TRAPPC9: variants seen among roughly 807,000 people sequenced by gnomAD.
TRAPPC9 encodes trafficking protein particle complex subunit 9.
Under a neutral mutation model 124.0 loss-of-function variants are expected in TRAPPC9, and 83 were observed. The observed-to-expected ratio is 0.67, with a 90% confidence interval of 0.56 to 0.80. The LOEUF is 0.80. Among genes scored for constraint, TRAPPC9 ranks in the 30% least tolerant of loss-of-function variants. The pLI is 0.00. For missense variants in TRAPPC9, 1,302 were observed against 1,508.3 expected, an observed-to-expected ratio of 0.86 and a Z score of 2.27; for synonymous variants, 638 against 617.5, an observed-to-expected ratio of 1.03 and a Z score of -0.49.
intron 7 of TRAPPC9, among the ~76,000 whole-genome samples, chr8:140,391,992 C>T (rs1396810223): frequency 2.6e-5 from 4 of 151,330 alleles, no homozygotes; most frequent in African/African-American, 9.8e-5. Context: ...CGCCACTGCA[C>T]TCCAACCTGG....
rs536604753 is a variant in TRAPPC9 at position 139,825,635 on chromosome 8, G to A, written c.3055+60244C>T. On this transcript the variant is annotated intron_variant, in intron 21 of 22. Coordinates refer to ENST00000438773, the MANE Select transcript of TRAPPC9 (RefSeq NM_001160372.4). This position sits in a 1 kb window ranked among gnomAD's most constrained non-coding sequence, Gnocchi z 4.6. ...TCTGAGAAAAAAGTCACTTCCACCC[G>A]GGGGAAATTTCATGGCTCTGGTTTG... 2.6e-4 allele frequency among the ~76,000 whole-genome samples: 39 copies of A among 152,268 alleles called. No individual in the cohort carries two copies. The highest frequency in any genetic ancestry group is 4.3e-4 in the Non-Finnish European group (29 of 68,018).
chr8:139,918,638 A>T (rs1180543299), intron 19 of TRAPPC9, among the ~76,000 whole-genome samples: 2 of 152,230 alleles, frequency 1.3e-5, no homozygotes, highest in East Asian at 3.9e-4. Context: ...GAAGTGCCCG[A>T]CATCGGGAGC....
At chr8:140,331,258 G>A (rs1301537011) in intron 9 of TRAPPC9, among the ~76,000 whole-genome samples, 2 of 152,078 alleles carry the variant, frequency 1.3e-5, no homozygotes, top group South Asian at 4.1e-4. Context: ...TGGGAAAACT[G>A]GATATAAGTA....
chr8:140,385,593 T>A (rs1360545068), intron 7 of TRAPPC9, among the ~76,000 whole-genome samples: 8 of 152,168 alleles, frequency 5.3e-5, no homozygotes, highest in Non-Finnish European at 1.0e-4. Context: ...CCTGGACACA[T>A]ACACCCTCCC....
chr8:140,125,933 C>T (rs889108019), intron 17 of TRAPPC9, among the ~76,000 whole-genome samples: 4 of 152,020 alleles, frequency 2.6e-5, no homozygotes, highest in African/African-American at 9.7e-5. Context: ...GAGGGTTTCT[C>T]TCTCTTGGTT....
chr8:140,210,944 G>A (rs993856451), intron 17 of TRAPPC9, among the ~76,000 whole-genome samples: 3 of 152,116 alleles, frequency 2.0e-5, no homozygotes, highest in Admixed American at 6.5e-5. Flanking sequence ...CGAAGGGCTC[G>A]TGGAAACCAT....
intron 11 of TRAPPC9, among the ~76,000 whole-genome samples, chr8:140,299,866 T>C (rs1002122789): frequency 6.6e-6 from 1 of 152,186 alleles, no homozygotes; most frequent in Non-Finnish European, 1.5e-5. Flanking sequence ...CTGACTATCC[T>C]GATCACCTGT....
chr8:139,936,236 C>T (rs995988143), intron 19 of TRAPPC9, among the ~76,000 whole-genome samples: 5 of 152,244 alleles, frequency 3.3e-5, no homozygotes, highest in Admixed American at 2.6e-4. Flanking sequence ...AGCTCTTAGT[C>T]CTGCTGAAGG....
At chr8:139,944,270 T>C (rs939301317) in intron 19 of TRAPPC9, among the ~76,000 whole-genome samples, 9 of 152,226 alleles carry the variant, frequency 5.9e-5, no homozygotes, top group Admixed American at 3.3e-4. Flanking sequence ...GAAATGAAAC[T>C]TGGCTATTTA....
At chr8:139,933,999 G>A (rs970190945) in intron 19 of TRAPPC9, 1 of 152,120 alleles carries the variant, frequency 6.6e-6, no homozygotes, top group African/African-American at 2.4e-5. Flanking sequence ...CTACATGATC[G>A]TAATACCATC....
At chr8:139,762,342 C>A (rs570841912) in intron 21 of TRAPPC9, among the ~76,000 whole-genome samples, 4 of 152,192 alleles carry the variant, frequency 2.6e-5, no homozygotes, top group South Asian at 4.1e-4. Flanking sequence ...CTCTTAAATA[C>A]AGTCACGCAC....
chr8:140,401,401 CAACAA>C (rs1442659735), intron 6 of TRAPPC9, among the ~76,000 whole-genome samples: 1 of 152,058 alleles, frequency 6.6e-6, no homozygotes, highest in Admixed American at 6.6e-5. Flanking sequence ...GCTTAAATAC[CAACAA>C]TGAAGTCAGA....
At chr8:140,403,549 T>C (rs1373018450) in intron 6 of TRAPPC9, among the ~76,000 whole-genome samples, 1 of 152,192 alleles carries the variant, frequency 6.6e-6, no homozygotes. Context: ...CTCAGCTGTA[T>C]TGGCAAATAT....
At chr8:140,415,412 G>A (rs974889924) in intron 5 of TRAPPC9, among the ~76,000 whole-genome samples, 4 of 151,474 alleles carry the variant, frequency 2.6e-5, no homozygotes, top group Non-Finnish European at 4.4e-5. Flanking sequence ...AAAATTAGCC[G>A]GGCGTGGTGG....
intron 17 of TRAPPC9, among the ~76,000 whole-genome samples, chr8:140,184,100 T>A (rs926411186): frequency 1.3e-5 from 2 of 151,254 alleles, no homozygotes; most frequent in Non-Finnish European, 2.9e-5. Flanking sequence ...GGGCTGAGAG[T>A]GGGGGCAGGG....
At chr8:139,900,254 C>T (rs147239313) in intron 20 of TRAPPC9, among the ~76,000 whole-genome samples, 4 of 152,332 alleles carry the variant, frequency 2.6e-5, no homozygotes, top group Non-Finnish European at 5.9e-5. Context: ...GCTGTCTTTG[C>T]TCTGCTTCCC....
At position 140,071,473 on chromosome 8, in the gene TRAPPC9, G is replaced by A. The variant is rs187695069; in HGVS notation, c.2557-47394C>T. ...AGAGTGAGGAAACACGGGCTCAAGC[G>A]TGCAGTCTCCCCCTTAGAAAGCAGC... On this transcript the variant is annotated intron_variant, in intron 17 of 22. Coordinates refer to ENST00000438773, the MANE Select transcript of TRAPPC9 (RefSeq NM_001160372.4). Among the ~76,000 whole-genome samples, 65 of 152,318 alleles carry A rather than the reference G, an allele frequency of 4.3e-4. 1 individual carries two copies. The highest frequency in any genetic ancestry group is 1.5e-3 in the African/African-American group (64 of 41,560).
intron 21 of TRAPPC9, among the ~76,000 whole-genome samples, chr8:139,822,630 G>T (rs1825328915): frequency 6.6e-6 from 1 of 152,144 alleles, no homozygotes; most frequent in South Asian, 2.1e-4. Flanking sequence ...ATGGCGGGGG[G>T]GGGCTGCCTT....
chr8:140,256,616 T>C (rs769481818), intron 15 of TRAPPC9, among the ~76,000 whole-genome samples: 14 of 152,278 alleles, frequency 9.2e-5, no homozygotes, highest in Non-Finnish European at 1.8e-4. Context: ...CTGGAGTTCC[T>C]TTCCACTGTG....
Sources: allele counts gnomAD v4.1 joint callset (sites outside exome capture counted in the v4.1 genomes callset), GRCh38; gene constraint gnomAD v4.1.1; non-coding constraint Gnocchi (gnomAD v3.1); transcripts MANE v1.5; gene names NCBI Gene and HGNC (gene_info 2026-07-23, HGNC 2026-07-21).